The following SCAPER variants were observed in gnomAD, a reference collection of about 807,000 sequenced individuals.
SCAPER encodes S phase cyclin A-associated protein in the endoplasmic reticulum.
A neutral mutation model predicts 182.2 loss-of-function variants in SCAPER; 98 were observed. The observed-to-expected ratio is 0.54, with a 90% CI of 0.46 to 0.64. SCAPER has a LOEUF of 0.64. SCAPER is among the 30% of genes least tolerant of loss of function. The pLI is 0.00. For synonymous variants in SCAPER, 605 were observed against 564.6 expected (o/e 1.07, Z -1.01); for missense variants, 1,432 against 1,690.0 (o/e 0.85, Z 2.68).
chr15:76,513,668 A>C (rs769425971), intron 23 of SCAPER, among the ~76,000 whole-genome samples: 4 of 152,084 alleles, frequency 2.6e-5, no homozygotes, highest in Admixed American at 1.3e-4. Context: ...CTCTGATTAC[A>C]TTTCTGGATG....
At chr15:76,699,411 G>A (rs1173614719) in intron 20 of SCAPER, among the ~76,000 whole-genome samples, 1 of 152,144 alleles carries the variant, frequency 6.6e-6, no homozygotes, top group Non-Finnish European at 1.5e-5. Flanking sequence ...GTCATAGATG[G>A]CTCTTCTTAT....
chr15:76,530,035 C>G (rs1036527217), intron 23 of SCAPER, among the ~76,000 whole-genome samples: 1 of 152,138 alleles, frequency 6.6e-6, no homozygotes, highest in Admixed American at 6.5e-5. Context: ...TGACTGAAGG[C>G]AGCTATTAGA....
At chr15:76,823,958 C>T (rs1004244689) in intron 5 of SCAPER, among the ~76,000 whole-genome samples, 1 of 150,942 alleles carries the variant, frequency 6.6e-6, no homozygotes, top group Admixed American at 6.6e-5. Context: ...AGCCGCTATA[C>T]TTCAGAAATT....
rs577030192 is a variant in SCAPER, at chr15:76,462,920, T to C, written c.3078+8292A>G. The stretch of plus-strand genomic sequence containing the variant: ...GAGACCTGAATTTGCATCCCAGTTA[T>C]AGTGTTAACAGGCTGTAGAACTTGG... On this transcript the variant is annotated intron_variant, in intron 25 of 31. Coordinates refer to ENST00000563290, the MANE Select transcript of SCAPER (RefSeq NM_020843.4). 2.6e-5 allele frequency among the ~76,000 whole-genome samples: 4 copies of C among 152,268 alleles called. No homozygotes were observed. The South Asian group carries it at 6.2e-4, about 24-fold the overall frequency.
intron 17 of SCAPER, among the ~76,000 whole-genome samples, chr15:76,707,221 A>G (rs1433517405): frequency 1.3e-5 from 2 of 152,140 alleles, no homozygotes; most frequent in Non-Finnish European, 2.9e-5. Context: ...GGTAAAGGAG[A>G]ACAAAAAAGA....
At chr15:76,441,301 C>T (rs1428525009) in intron 25 of SCAPER, among the ~76,000 whole-genome samples, 1 of 152,056 alleles carries the variant, frequency 6.6e-6, no homozygotes, top group East Asian at 1.9e-4. Context: ...ATATCATTAC[C>T]CTTTCTAACA....
At chr15:76,436,623 A>AT (rs35235519) in intron 25 of SCAPER, among the ~76,000 whole-genome samples, 93 of 149,424 alleles carry the variant, frequency 6.2e-4, no homozygotes, top group African/African-American at 1.4e-3. Context: ...TTTTTAAAAG[A>AT]TTTTTTTTTT....
intron 29 of SCAPER, among the ~76,000 whole-genome samples, chr15:76,370,841 T>A (rs1169717655): frequency 6.6e-6 from 1 of 152,164 alleles, no homozygotes; most frequent in African/African-American, 2.4e-5. Context: ...CTTTCCAAGA[T>A]CTTTATGAGT....
At chr15:76,624,924 G>A (rs1467655261) in intron 21 of SCAPER, among the ~76,000 whole-genome samples, 1 of 152,158 alleles carries the variant, frequency 6.6e-6, no homozygotes, top group African/African-American at 2.4e-5. Flanking sequence ...AATAACCTCT[G>A]GATCCCAAAT....
At chr15:76,528,142 TA>T (rs2043346422) in intron 23 of SCAPER, among the ~76,000 whole-genome samples, 1 of 152,226 alleles carries the variant, frequency 6.6e-6, no homozygotes, top group Non-Finnish European at 1.5e-5. Flanking sequence ...TTAATAAATG[TA>T]AAAGCCATTC....
intron 27 of SCAPER, among the ~76,000 whole-genome samples, chr15:76,397,747 G>C (rs1471561193): frequency 6.6e-6 from 1 of 152,200 alleles, no homozygotes; most frequent in African/African-American, 2.4e-5. Context: ...AAAGTGCTGG[G>C]ATTACAGGTG....
intron 27 of SCAPER, among the ~76,000 whole-genome samples, chr15:76,401,430 T>G (rs561015372): frequency 6.6e-6 from 1 of 152,224 alleles, no homozygotes; most frequent in Non-Finnish European, 1.5e-5. Flanking sequence ...CATGTCTCAG[T>G]TGGATTATGC....
At chr15:76,410,963 G>A (rs1419914868) in intron 26 of SCAPER, among the ~76,000 whole-genome samples, 2 of 151,984 alleles carry the variant, frequency 1.3e-5, no homozygotes. Flanking sequence ...TTTCTCTTGA[G>A]ATATATTCCA....
Position 76,754,191 on chromosome 15 carries a change from T to C in SCAPER, c.1726-243A>G, listed in dbSNP as rs74391497. Among the ~76,000 whole-genome samples, 904 of 152,092 alleles carry C rather than the reference T, an allele frequency of 5.9e-3. 4 individuals are homozygous for C. Among genetic ancestry groups the C allele is most frequent in the African/African-American group, 0.021 (871 of 41,520 alleles). Reference sequence around the variant, plus strand: ...GCCTATGTCTCAGTTTCCTTACCTATAAACAGGAAATAAAAATAACATTAC... The same window carrying C: ...GCCTATGTCTCAGTTTCCTTACCTACAAACAGGAAATAAAAATAACATTAC... On this transcript the variant is annotated intron_variant, in intron 14 of 31. Coordinates refer to ENST00000563290, the MANE Select transcript of SCAPER (RefSeq NM_020843.4).
At chr15:76,581,165 CCAA>C (rs931533176) in intron 22 of SCAPER, among the ~76,000 whole-genome samples, 1 of 151,940 alleles carries the variant, frequency 6.6e-6, no homozygotes, top group Non-Finnish European at 1.5e-5. Context: ...AAAAAGTCTC[CCAA>C]CAACAACAAC....
intron 21 of SCAPER, among the ~76,000 whole-genome samples, chr15:76,654,519 G>C (rs542135791): frequency 6.6e-6 from 1 of 152,118 alleles, no homozygotes; most frequent in East Asian, 1.9e-4. Context: ...TGCTTACAAA[G>C]GGAATGTAAA....
chr15:76,559,040 G>T (rs1363729159), intron 23 of SCAPER, among the ~76,000 whole-genome samples: 7 of 147,266 alleles, frequency 4.8e-5, no homozygotes, highest in Admixed American at 1.4e-4. Flanking sequence ...ATGAGATCTG[G>T]TTTTTTTTTT....
intron 5 of SCAPER, among the ~76,000 whole-genome samples, chr15:76,809,907 A>AT (rs1199639159): frequency 1.3e-5 from 2 of 152,158 alleles, no homozygotes; most frequent in South Asian, 2.1e-4. Context: ...CTATCAGTAG[A>AT]TTTTTTAGCA....
intron 9 of SCAPER, 66 bp from the exon 10 acceptor site, chr15:76,772,020 G>C (rs1443993085): frequency 4.0e-6 from 5 of 1,261,032 alleles, no homozygotes; most frequent in Non-Finnish European, 5.6e-6. Context: ...TTTAGAAGAA[G>C]AGATGATTTT....
Sources: gnomAD v4.1 joint callset for allele counts (sites outside exome capture counted in the v4.1 genomes callset) on GRCh38, gnomAD v4.1.1 for gene constraint, MANE v1.5 for transcripts, NCBI Gene and HGNC (gene_info 2026-07-23, HGNC 2026-07-21) for gene names.